Variants in ST3GAL4 observed in about 807,000 individuals in gnomAD.
The protein encoded by ST3GAL4 is CMP-N-acetylneuraminate-beta-galactosamide-alpha-2,3-sialyltransferase 4.
In ST3GAL4, 24 loss-of-function variants were observed where a neutral mutation model predicts 42.6. That is an observed-to-expected ratio of 0.56 (90% CI 0.41 to 0.79). ST3GAL4 has a LOEUF of 0.79. Among genes scored for constraint, ST3GAL4 ranks in the 30% least tolerant of loss-of-function variants. ST3GAL4 has a pLI of 0.00. For missense variants in ST3GAL4, 311 were observed against 430.8 expected (o/e 0.72, Z 2.46); for synonymous variants, 135 against 163.2 (o/e 0.83, Z 1.32).
At chr11:126,381,685 C>T (rs1229400074) in intron 1 of ST3GAL4, among the ~76,000 whole-genome samples, 2 of 150,234 alleles carry the variant, frequency 1.3e-5, no homozygotes, top group African/African-American at 4.9e-5. Flanking sequence ...TTTCTTTGGA[C>T]CTTTCCCACC....
At chr11:126,367,100 C>T (rs1952458911) in intron 1 of ST3GAL4, among the ~76,000 whole-genome samples, 1 of 152,110 alleles carries the variant, frequency 6.6e-6, no homozygotes, top group Non-Finnish European at 1.5e-5. Context: ...TGACAGGAGG[C>T]TGGTGTCTGG....
intron 1 of ST3GAL4, among the ~76,000 whole-genome samples, chr11:126,402,971 G>A (rs1206996746): frequency 6.6e-6 from 1 of 152,218 alleles, no homozygotes; most frequent in Non-Finnish European, 1.5e-5. Flanking sequence ...GAGTGGATTC[G>A]ATGCCTGCTT....
In ST3GAL4 at chr11:126,359,652, C is replaced by T. The variant is rs1428752846; in HGVS notation, c.-61+3810C>T. 1.3e-5 allele frequency among the ~76,000 whole-genome samples: 2 copies of T among 152,196 alleles called. No individual in the cohort carries two copies. Among genetic ancestry groups the T allele is most frequent in the African/African-American group, 2.4e-5 (1 of 41,442 alleles). On this transcript the variant is annotated intron_variant, in intron 1 of 10. Transcript: ENST00000444328. The surrounding 1 kb of genome is among the most constrained non-coding windows in gnomAD (Gnocchi z 4.8). ...GAGTGCTCTCCCGAACCCCACATCC[C>T]GGCCGGGCCGTACCCTGAGCACACG... is the stretch of plus-strand genomic sequence containing the variant.
At position 126,396,366 on chromosome 11, in the gene ST3GAL4, GGA is replaced by G; in HGVS notation, c.-60-9724_-60-9723del. Among the ~76,000 whole-genome samples, 1 of 152,192 alleles carries G rather than the reference GGA, an allele frequency of 6.6e-6. No homozygotes were observed. Among genetic ancestry groups the G allele is most frequent in the South Asian group, 2.1e-4 (1 of 4,830 alleles). The stretch of plus-strand genomic sequence containing the variant: ...CAGCCCGGGAGACCTGGCCTACAGC[GGA>G]GAGAGTCAGTCCATGCCAGTGGTGG... On this transcript the variant is annotated intron_variant, in intron 1 of 10. Coordinates refer to ENST00000444328, the MANE Select transcript of ST3GAL4 (RefSeq NM_001254757.2). The surrounding 1 kb of genome is among the most constrained non-coding windows in gnomAD (Gnocchi z 5.8).
chr11:126,407,382 G>C, intron 5 of ST3GAL4, 33 bp downstream of exon 5: 1 of 1,606,608 alleles, frequency 6.2e-7, no homozygotes, highest in African/African-American at 1.3e-5. Flanking sequence ...GGAACCATGG[G>C]CTCACCCTGA....
intron 1 of ST3GAL4, among the ~76,000 whole-genome samples, chr11:126,395,269 G>A (rs1025569731): frequency 9.2e-5 from 14 of 152,160 alleles, no homozygotes; most frequent in African/African-American, 1.4e-4. Context: ...CAACATGGGT[G>A]ATACAGCAGC....
chr11:126,402,899 C>T (rs1954068818), intron 1 of ST3GAL4, among the ~76,000 whole-genome samples: 1 of 152,242 alleles, frequency 6.6e-6, no homozygotes, highest in Non-Finnish European at 1.5e-5. Context: ...TACCCGGGGG[C>T]ACCTTTGCCC....
rs557611650 is a variant in ST3GAL4 at position 126,392,905 on chromosome 11, G to A, written c.-60-13191G>A. Among the ~76,000 whole-genome samples the A allele has an allele frequency of 6.6e-6, 1 of 151,898 alleles. No homozygotes were observed. Among genetic ancestry groups the A allele is most frequent in the Admixed American group, 6.5e-5 (1 of 15,268 alleles). ...GGCCGGAAGAGAGGTCTGGGCTTGG[G>A]TCCCAACCACTGATTCCAGATCTCT... On this transcript the variant is annotated intron_variant, in intron 1 of 10. Transcript: ENST00000444328. This position sits in a 1 kb window ranked among gnomAD's most constrained non-coding sequence, Gnocchi z 5.8.
chr11:126,369,887 T>C (rs1952578990), intron 1 of ST3GAL4, among the ~76,000 whole-genome samples: 1 of 152,224 alleles, frequency 6.6e-6, no homozygotes, highest in African/African-American at 2.4e-5. Flanking sequence ...ATGTAATTCT[T>C]TTGTGAAAGT....
chr11:126,372,876 T>A (rs1952708950), intron 1 of ST3GAL4, among the ~76,000 whole-genome samples: 1 of 152,266 alleles, frequency 6.6e-6, no homozygotes, highest in Non-Finnish European at 1.5e-5. Context: ...TTGTGAATAA[T>A]GCTGCTATGA....
chr11:126,397,656 A>G lies in ST3GAL4; in HGVS notation c.-60-8440A>G, dbSNP rs1196199739. On this transcript the variant is annotated intron_variant, in intron 1 of 10. Coordinates refer to ENST00000444328, the MANE Select transcript of ST3GAL4 (RefSeq NM_001254757.2). The surrounding 1 kb of genome is among the most constrained non-coding windows in gnomAD (Gnocchi z 5.0). ...GCCATTACCACCAAGTAGGTAATTTATAAGGAGCAGAAGTTTATTTGGCTC... is the reference window on the plus strand; with the variant it reads ...GCCATTACCACCAAGTAGGTAATTTGTAAGGAGCAGAAGTTTATTTGGCTC... Among the ~76,000 whole-genome samples the G allele has an allele frequency of 3.3e-5, 5 of 152,204 alleles. No individual in the cohort carries two copies. Among genetic ancestry groups the G allele is most frequent in the South Asian group, 4.1e-4 (2 of 4,828 alleles).
At chr11:126,388,923 G>A (rs1320999599) in intron 1 of ST3GAL4, among the ~76,000 whole-genome samples, 5 of 150,780 alleles carry the variant, frequency 3.3e-5, no homozygotes, top group East Asian at 2.0e-4. Context: ...GATCACAGGC[G>A]CCTGCCACCA....
At chr11:126,372,179 G>A (rs1357424888) in intron 1 of ST3GAL4, among the ~76,000 whole-genome samples, 3 of 152,056 alleles carry the variant, frequency 2.0e-5, no homozygotes, top group Admixed American at 2.0e-4. Flanking sequence ...TTTTCGTCTC[G>A]TCAAACTGAA....
chr11:126,360,701 C>T (rs1366961572), intron 1 of ST3GAL4, among the ~76,000 whole-genome samples: 2 of 152,208 alleles, frequency 1.3e-5, no homozygotes, highest in African/African-American at 2.4e-5. Flanking sequence ...GGATTACAGG[C>T]GTGAGCCACC....
In ST3GAL4 at chr11:126,366,887, G is replaced by C. The variant is rs565484127; in HGVS notation, c.-61+11045G>C. 2.7e-4 allele frequency among the ~76,000 whole-genome samples: 41 copies of C among 152,304 alleles called. No individual in the cohort carries two copies. The South Asian group carries it at 6.4e-3, about 24-fold the overall frequency. ...CAGAGCCGAGAGCCTGAATTCAGAG[G>C]CTGTACTGTGGGGCAGGGCTGGAAT... is the stretch of plus-strand genomic sequence containing the variant. On this transcript the variant is annotated intron_variant, in intron 1 of 10. Transcript: ENST00000444328. The surrounding 1 kb of genome is among the most constrained non-coding windows in gnomAD (Gnocchi z 4.2).
chr11:126,375,287 CTGTG>C (rs1333339711), intron 1 of ST3GAL4, among the ~76,000 whole-genome samples: 4 of 152,362 alleles, frequency 2.6e-5, no homozygotes, highest in African/African-American at 9.6e-5. Context: ...GGGCTAGAGA[CTGTG>C]TCTCGTGCGG....
In ST3GAL4 at chr11:126,398,613, G is replaced by T. The variant is rs552142206; in HGVS notation, c.-60-7483G>T. Among the ~76,000 whole-genome samples the T allele has an allele frequency of 6.6e-6, 1 of 152,364 alleles. No individual in the cohort carries two copies. Among genetic ancestry groups the T allele is most frequent in the Admixed American group, 6.5e-5 (1 of 15,310 alleles). On this transcript the variant is annotated intron_variant, in intron 1 of 10. Coordinates refer to ENST00000444328, the MANE Select transcript of ST3GAL4 (RefSeq NM_001254757.2). This position sits in a 1 kb window ranked among gnomAD's most constrained non-coding sequence, Gnocchi z 4.7. ...GACTCTCAGCAGCTCAGACTCCACA[G>T]TTCTGCTGGGCATTGCCCTACAGGG...
intron 1 of ST3GAL4, chr11:126,403,347 A>G (rs989291072): frequency 2.1e-6 from 2 of 930,270 alleles, no homozygotes; most frequent in Non-Finnish European, 2.6e-6. Context: ...CTCACCTCTG[A>G]CGCTGCTCAC....
At chr11:126,372,184 A>T (rs1212007461) in intron 1 of ST3GAL4, among the ~76,000 whole-genome samples, 1 of 152,002 alleles carries the variant, frequency 6.6e-6, no homozygotes, top group Non-Finnish European at 1.5e-5. Flanking sequence ...GTCTCGTCAA[A>T]CTGAAACATC....
Sources: allele counts gnomAD v4.1 joint callset (sites outside exome capture counted in the v4.1 genomes callset), GRCh38; gene constraint gnomAD v4.1.1; non-coding constraint Gnocchi (gnomAD v3.1); transcripts MANE v1.5; gene names NCBI Gene and HGNC (gene_info 2026-07-23, HGNC 2026-07-21).